Variants in DEPTOR observed in about 807,000 individuals in gnomAD.
DEPTOR encodes the protein DEP domain containing MTOR interacting protein, also known as DEP domain-containing mTOR-interacting protein.
A neutral mutation model predicts 41.6 loss-of-function variants in DEPTOR; 41 were observed. That is an observed-to-expected ratio of 0.98 (90% CI 0.77 to 1.28). The LOEUF (loss-of-function observed/expected upper bound fraction) is 1.28, where lower values mean the gene tolerates loss of function less well. Among genes scored for constraint, DEPTOR ranks in the 50% most tolerant of loss-of-function variants. DEPTOR has a pLI of 0.00. For missense variants in DEPTOR, 514 were observed against 527.9 expected, an observed-to-expected ratio of 0.97 and a Z score of 0.26; for synonymous variants, 195 against 192.3, an observed-to-expected ratio of 1.01 and a Z score of -0.12.
At chr8:120,003,152 G>A (rs1812382367) in intron 6 of DEPTOR, 41 bp downstream of exon 6, 7 of 1,596,244 alleles carry the variant, frequency 4.4e-6, no homozygotes, top group Admixed American at 3.4e-5. Flanking sequence ...AGACTGTGGG[G>A]ACTTGGGCAG....
At chr8:120,032,565 T>G (rs954649228) in intron 8 of DEPTOR, among the ~76,000 whole-genome samples, 1 of 152,052 alleles carries the variant, frequency 6.6e-6, no homozygotes, top group Non-Finnish European at 1.5e-5. Flanking sequence ...GGACCACAAG[T>G]GAAGCTGGTG....
intron 4 of DEPTOR, among the ~76,000 whole-genome samples, chr8:119,995,254 C>T (rs1389087864): frequency 6.6e-6 from 1 of 152,122 alleles, no homozygotes; most frequent in Non-Finnish European, 1.5e-5. Context: ...ACTGAAGATA[C>T]CTGGCTGTAA....
intron 1 of DEPTOR, among the ~76,000 whole-genome samples, chr8:119,887,544 G>A (rs1827388798): frequency 8.0e-6 from 1 of 124,292 alleles, no homozygotes; most frequent in South Asian, 2.8e-4. Flanking sequence ...CTGTCACCCA[G>A]GCTGGAGTTC....
chr8:119,977,511 G>T (rs1430044133), intron 4 of DEPTOR, among the ~76,000 whole-genome samples: 1 of 152,044 alleles, frequency 6.6e-6, no homozygotes, highest in Non-Finnish European at 1.5e-5. Flanking sequence ...AGACTTTCTG[G>T]GCATTTTCCC....
intron 8 of DEPTOR, among the ~76,000 whole-genome samples, chr8:120,041,459 C>A (rs2130199096): frequency 6.6e-6 from 1 of 152,312 alleles, no homozygotes; most frequent in Non-Finnish European, 1.5e-5. Flanking sequence ...TTTATCCCAG[C>A]CTGATCACAC....
intron 7 of DEPTOR, among the ~76,000 whole-genome samples, chr8:120,007,513 A>C (rs946369321): frequency 6.6e-6 from 1 of 152,070 alleles, no homozygotes; most frequent in African/African-American, 2.4e-5. Flanking sequence ...ATTTCTTCAA[A>C]TGGAATGAAA....
rs372336068 is a variant in DEPTOR, at chr8:120,049,907, GA to G, written c.*207del. On this transcript the variant is annotated 3_prime_UTR_variant, in exon 9 of 9. Coordinates refer to ENST00000286234, the MANE Select transcript of DEPTOR (RefSeq NM_022783.4). ...ATCTTTTTTAAAAAATGTCAGTGTA[GA>G]AAACATTTGGGAAACCATTTTCCTA... The G allele has an allele frequency of 3.8e-4, 194 of 507,006 alleles. No homozygotes were observed. Among genetic ancestry groups the G allele is most frequent in the African/African-American group, 3.5e-3 (179 of 50,978 alleles). 31.4% of individuals were successfully genotyped at this position (507,006 alleles called of 1,614,324 possible).
rs1827999556 is a variant in DEPTOR, at chr8:119,928,662, A to G, written c.301+84A>G. The G allele has an allele frequency of 6.2e-6, 9 of 1,462,096 alleles. No individual in the cohort carries two copies. The South Asian group carries it at 7.4e-5, about 12-fold the overall frequency. 90.6% of individuals were successfully genotyped at this position (1,462,096 alleles called of 1,614,324 possible). A position where few individuals can be genotyped will look rare whatever the true frequency, so the allele number is the denominator to read the frequency against. On this transcript the variant is annotated intron_variant, in intron 2 of 8. Coordinates refer to ENST00000286234, the MANE Select transcript of DEPTOR (RefSeq NM_022783.4). ...TGAACATACCCACTTAAGAAAGAAA[A>G]CATTTTGCTTTATTTTATCTCCAGT...
chr8:119,998,094 AAAC>A (rs984590359), intron 4 of DEPTOR, among the ~76,000 whole-genome samples: 1 of 152,200 alleles, frequency 6.6e-6, no homozygotes, highest in Non-Finnish European at 1.5e-5. Context: ...ATGGATGATC[AAAC>A]AACAAAAAAA....
At chr8:120,018,384 C>T (rs892772576) in intron 8 of DEPTOR, among the ~76,000 whole-genome samples, 1 of 152,142 alleles carries the variant, frequency 6.6e-6, no homozygotes, top group Non-Finnish European at 1.5e-5. Context: ...TCGAGACCAG[C>T]CTGGCCAACA....
rs983089808 is a variant in DEPTOR, at chr8:119,931,202, C to A, written c.425+1264C>A. 2.0e-5 allele frequency among the ~76,000 whole-genome samples: 3 copies of A among 151,820 alleles called. No individual in the cohort carries two copies. In the East Asian group the frequency reaches 5.8e-4, roughly 29 times the overall value. On this transcript the variant is annotated intron_variant, in intron 3 of 8. Transcript: ENST00000286234. ...CTCCAACCTGGGTGACAGAGTGAGACATCATCTCAAAACTAAAAAAAAACA... is the reference window on the plus strand; with the variant it reads ...CTCCAACCTGGGTGACAGAGTGAGAAATCATCTCAAAACTAAAAAAAAACA...
chr8:120,037,671 C>A (rs1177827916), intron 8 of DEPTOR, among the ~76,000 whole-genome samples: 1 of 152,160 alleles, frequency 6.6e-6, no homozygotes, highest in Non-Finnish European at 1.5e-5. Context: ...AAGAATGGGG[C>A]TGCCAACAGG....
chr8:119,946,788 T>C (rs1180350989), intron 3 of DEPTOR, among the ~76,000 whole-genome samples: 1 of 152,204 alleles, frequency 6.6e-6, no homozygotes, highest in African/African-American at 2.4e-5. Flanking sequence ...TTTAATATGC[T>C]AAACAAAATT....
At chr8:119,877,082 G>A (rs904123851) in intron 1 of DEPTOR, among the ~76,000 whole-genome samples, 7 of 152,112 alleles carry the variant, frequency 4.6e-5, no homozygotes, top group African/African-American at 1.7e-4. Flanking sequence ...TGTAACTTTA[G>A]GACAATATGT....
chr8:119,980,580 C>A (rs1031532771), intron 4 of DEPTOR, among the ~76,000 whole-genome samples: 1 of 147,970 alleles, frequency 6.8e-6, no homozygotes, highest in African/African-American at 2.5e-5. Flanking sequence ...TGCAATGGTA[C>A]AATCTCGGCT....
intron 4 of DEPTOR, among the ~76,000 whole-genome samples, chr8:119,985,926 C>T (rs1031973775): frequency 7.5e-6 from 1 of 132,974 alleles, no homozygotes; most frequent in Non-Finnish European, 1.5e-5. Context: ...TGTGTCTTTG[C>T]ACATGAGATG....
chr8:119,944,661 T>TC (rs1453871125), intron 3 of DEPTOR, among the ~76,000 whole-genome samples: 5 of 150,718 alleles, frequency 3.3e-5, no homozygotes, highest in African/African-American at 9.7e-5. Flanking sequence ...TCTTTTCTTT[T>TC]TTTTTTTTTT....
chr8:120,036,266 G>A (rs1812978082), intron 8 of DEPTOR, among the ~76,000 whole-genome samples: 1 of 152,186 alleles, frequency 6.6e-6, no homozygotes. Flanking sequence ...ATGCTTTAAT[G>A]CTACTTATTG....
intron 6 of DEPTOR, among the ~76,000 whole-genome samples, chr8:120,004,817 C>G (rs897441678): frequency 1.3e-5 from 2 of 151,992 alleles, no homozygotes; most frequent in Non-Finnish European, 2.9e-5. Context: ...TTCCCAAGAC[C>G]CAGTGAGTTC....
Sources: allele counts gnomAD v4.1 joint callset (sites outside exome capture counted in the v4.1 genomes callset), GRCh38; gene constraint gnomAD v4.1.1; transcripts MANE v1.5; gene names NCBI Gene and HGNC (gene_info 2026-07-23, HGNC 2026-07-21).